PNPLA4: variants seen among roughly 807,000 people sequenced by gnomAD.
PNPLA4 encodes patatin like domain 4, phospholipase and triacylglycerol lipase.
In PNPLA4, 15 loss-of-function variants were observed where a neutral mutation model predicts 18.3. That is an observed-to-expected ratio of 0.82 (90% confidence interval 0.55 to 1.26). The LOEUF (loss-of-function observed/expected upper bound fraction) is 1.26, where lower values mean the gene tolerates loss of function less well. Ranked by LOEUF, PNPLA4 falls within the 50% of genes most tolerant of loss-of-function variation. The probability of loss-of-function intolerance (pLI) is 0.00; values close to 1 mark genes in which losing one functional copy is unlikely to be tolerated. For missense variants in PNPLA4, 229 were observed against 196.8 expected, an observed-to-expected ratio of 1.16 and a Z score of -0.98; for synonymous variants, 88 against 85.6, an observed-to-expected ratio of 1.03 and a Z score of -0.16.
intron 4 of PNPLA4, among the ~76,000 whole-genome samples, chrX:7,919,089 G>T (rs1924134226): frequency 8.9e-6 from 1 of 112,670 alleles, no homozygotes; most frequent in African/African-American, 3.2e-5. Context: ...TTACACATTT[G>T]TGTCAACAAT....
Position 7,902,098 on chromosome X carries a change from G to A in PNPLA4, c.521C>T (p.Pro174Leu), listed in dbSNP as rs1393011139. ...GGLTNALPIL[P>L]VGRTVTISPF... Reference sequence around the variant, plus strand: ...GGAGATGGTTACTGTCCGGCCGACGGGCAGGATGGGAAGAGCGTTGGTGAG... The same window carrying A: ...GGAGATGGTTACTGTCCGGCCGACGAGCAGGATGGGAAGAGCGTTGGTGAG... The change falls in exon 6 of 7, where the codon CCC becomes CTC. Residue 174 changes from proline (P) to leucine (L), a missense_variant. Transcript: ENST00000381042. The A allele has an allele frequency of 8.3e-7, 1 of 1,206,598 alleles. No homozygotes were observed. Among genetic ancestry groups the A allele is most frequent in the Non-Finnish European group, 1.1e-6 (1 of 893,649 alleles).
chrX:7,923,538 G>A (rs1267285094), intron 2 of PNPLA4, among the ~76,000 whole-genome samples: 4 of 111,955 alleles, frequency 3.6e-5, no homozygotes, highest in African/African-American at 1.3e-4. Context: ...TACGCTGAAG[G>A]TCCTTTGTCA....
intron 5 of PNPLA4, among the ~76,000 whole-genome samples, chrX:7,907,142 C>T (rs894854289): frequency 1.8e-5 from 2 of 111,026 alleles, no homozygotes; most frequent in Non-Finnish European, 3.8e-5. Context: ...TTCAGCCTCC[C>T]GAGTAGCTGG....
chrX:7,915,303 AG>A (rs1569105958), intron 4 of PNPLA4, among the ~76,000 whole-genome samples: 1 of 4,397 alleles, frequency 2.3e-4, no homozygotes, highest in East Asian at 0.012. Flanking sequence ...CCTGGGGTGG[AG>A]GGTGGGGGGG....
chrX:7,911,894 G>A, intron 5 of PNPLA4, 134 bp downstream of exon 5: 1 of 420,512 alleles, frequency 2.4e-6, no homozygotes, highest in Non-Finnish European at 4.2e-6. Flanking sequence ...CCCTCTTAAA[G>A]AGAAACAAAG....
intron 4 of PNPLA4, among the ~76,000 whole-genome samples, chrX:7,919,180 G>A (rs1924136339): frequency 8.9e-6 from 1 of 112,610 alleles, no homozygotes; most frequent in South Asian, 3.6e-4. Context: ...CTAGAAAAAC[G>A]TCATGTTTTC....
Position 7,900,744 on chromosome X carries a change from T to C in PNPLA4, c.704A>G (p.Tyr235Cys). 8.4e-7 allele frequency: 1 copy of C among 1,196,525 alleles called. No individual in the cohort carries two copies. The highest frequency in any genetic ancestry group is 1.1e-6 in the Non-Finnish European group (1 of 882,702). Reference sequence around the variant, plus strand: ...AACAGTGTCATCAAAACCACACTGATACAAAGATTCCATTTTCCTCTTGCT... The same window carrying C: ...AACAGTGTCATCAAAACCACACTGACACAAAGATTCCATTTTCCTCTTGCT... The part of the protein sequence containing the change: ...PPSKRKMESL[Y>C]QCGFDDTVKF... Residue 235 changes from tyrosine to cysteine, a missense_variant, in exon 7 of 7, where the codon TAT becomes TGT. By Grantham distance (194) the Tyr-to-Cys change is radical. Coordinates refer to ENST00000381042, the MANE Select transcript of PNPLA4 (RefSeq NM_004650.3).
At chrX:7,903,137 T>G (rs1301311336) in intron 5 of PNPLA4, among the ~76,000 whole-genome samples, 3 of 111,638 alleles carry the variant, frequency 2.7e-5, no homozygotes, top group African/African-American at 9.8e-5. Context: ...TAAAATGCAA[T>G]GCAGATAAAA....
At chrX:7,907,158 C>CA (rs1225368107) in intron 5 of PNPLA4, among the ~76,000 whole-genome samples, 2 of 111,234 alleles carry the variant, frequency 1.8e-5, no homozygotes, top group Non-Finnish European at 3.8e-5. Context: ...GCTGGAATTA[C>CA]AGGCATGCGC....
intron 5 of PNPLA4, among the ~76,000 whole-genome samples, chrX:7,902,756 A>G (rs1440288965): frequency 9.0e-6 from 1 of 111,725 alleles, no homozygotes; most frequent in East Asian, 2.8e-4. Flanking sequence ...AAGGAAGAAA[A>G]TGAAAGAGTC....
chrX:7,910,897 T>C (rs1194567635), intron 5 of PNPLA4, among the ~76,000 whole-genome samples: 1 of 110,543 alleles, frequency 9.0e-6, no homozygotes, highest in Non-Finnish European at 1.9e-5. Context: ...AAAATATATA[T>C]CTCTGGAATG....
At chrX:7,912,693 C>T (rs1193348175) in intron 4 of PNPLA4, among the ~76,000 whole-genome samples, 1 of 112,401 alleles carries the variant, frequency 8.9e-6, no homozygotes, top group Non-Finnish European at 1.9e-5. Flanking sequence ...CCATTCCATA[C>T]ATCATGGGAA....
At chrX:7,921,029 G>T (rs1388661535) in intron 4 of PNPLA4, among the ~76,000 whole-genome samples, 2 of 111,976 alleles carry the variant, frequency 1.8e-5, no homozygotes. Flanking sequence ...CAGCACTTTG[G>T]GGGGCTGAGG....
At position 7,926,067 on chromosome X, in the gene PNPLA4, T is replaced by C; in HGVS notation, c.53A>G (p.His18Arg). The C allele has an allele frequency of 1.7e-6, 2 of 1,211,370 alleles. No individual in the cohort carries two copies. The part of the protein sequence containing the change: ...FAACGFLGIY[H>R]LGAASALCRH... ...GCAAAGTGCAGATGCTGCCCCCAAGTGGTAAATGCCCAGAAATCCACACGC... is the reference window on the plus strand; with the variant it reads ...GCAAAGTGCAGATGCTGCCCCCAAGCGGTAAATGCCCAGAAATCCACACGC... The change falls in exon 2 of 7, where the codon CAC (histidine) becomes CGC (arginine). Residue 18 changes from histidine to arginine, a missense_variant. Transcript: ENST00000381042.
intron 1 of PNPLA4, 126 bp downstream of exon 1, chrX:7,927,160 C>G (rs1392958439): frequency 8.8e-6 from 1 of 113,398 alleles, no homozygotes; most frequent in Non-Finnish European, 1.9e-5. Context: ...TGTGTAGCAA[C>G]CAGGCGGCCA....
chrX:7,900,680 T>C lies in PNPLA4; in HGVS notation c.*6A>G, dbSNP rs1923501032. ...ACGTGTTTTGCATTATAAACTTTTA[T>C]GCATTTTATTCAAACCAATTTTCTT... On this transcript the variant is annotated 3_prime_UTR_variant, in exon 7 of 7. Coordinates refer to ENST00000381042, the MANE Select transcript of PNPLA4 (RefSeq NM_004650.3). 1.8e-6 allele frequency: 2 copies of C among 1,114,885 alleles called. No homozygotes were observed. The highest frequency in any genetic ancestry group is 2.1e-5 in the South Asian group (1 of 48,185). 91.9% of individuals were successfully genotyped at this position (1,114,885 alleles called of 1,213,427 possible). A position where few individuals can be genotyped will look rare whatever the true frequency, so the allele number is the denominator to read the frequency against.
intron 3 of PNPLA4, 35 bp from the exon 4 acceptor site, chrX:7,921,883 T>C (rs1174763566): frequency 8.5e-7 from 1 of 1,169,769 alleles, no homozygotes; most frequent in East Asian, 3.0e-5. Flanking sequence ...TTACTCACCT[T>C]TAATTATTGA....
chrX:7,921,588 C>G, intron 4 of PNPLA4, 125 bp downstream of exon 4: 1 of 620,414 alleles, frequency 1.6e-6, no homozygotes, highest in South Asian at 2.7e-5. Flanking sequence ...ACTGAGCACT[C>G]AACCATCTAT....
chrX:7,924,407 G>A (rs1239640790), intron 2 of PNPLA4, among the ~76,000 whole-genome samples: 1 of 112,029 alleles, frequency 8.9e-6, no homozygotes, highest in East Asian at 2.8e-4. Context: ...TCCTACAAGT[G>A]GATTATTTCA....
Sources: allele counts gnomAD v4.1 joint callset (sites outside exome capture counted in the v4.1 genomes callset), GRCh38; gene constraint gnomAD v4.1.1; transcripts MANE v1.5; gene names NCBI Gene and HGNC (gene_info 2026-07-23, HGNC 2026-07-21).